Variants in AP1G1 observed in about 807,000 individuals in gnomAD.
AP1G1 encodes adaptor related protein complex 1 subunit gamma 1.
In AP1G1, 7 loss-of-function variants were observed where a neutral mutation model predicts 108.3. That is an observed-to-expected ratio of 0.06 (90% CI 0.04 to 0.12). The LOEUF is 0.12. Ranked by LOEUF, AP1G1 falls within the 10% of genes least tolerant of loss-of-function variation. AP1G1 has a pLI of 1.00. For missense variants in AP1G1, 756 were observed against 1,010.7 expected (o/e 0.75, Z 3.42); for synonymous variants, 379 against 353.5 (o/e 1.07, Z -0.81).
chr16:71,750,165 T>C (rs772732482), intron 14 of AP1G1, 45 bp downstream of exon 14: 3 of 1,600,382 alleles, frequency 1.9e-6, no homozygotes, highest in South Asian at 1.1e-5. Flanking sequence ...ACCAGAAAAA[T>C]TGAGGGTAAA....
intron 21 of AP1G1, among the ~76,000 whole-genome samples, chr16:71,738,566 G>A (rs2045579199): frequency 6.6e-6 from 1 of 152,096 alleles, no homozygotes; most frequent in African/African-American, 2.4e-5. Context: ...GATAGACAAA[G>A]TCTCTCATCT....
At chr16:71,769,425 G>C in intron 6 of AP1G1, 198 bp downstream of exon 6, 1 of 558,782 alleles carries the variant, frequency 1.8e-6, no homozygotes, top group African/African-American at 1.9e-5. Context: ...TATTATGAAA[G>C]GGAAAACACA....
intron 7 of AP1G1, 132 bp from the exon 8 acceptor site, chr16:71,764,858 T>A: frequency 1.6e-6 from 1 of 610,166 alleles, no homozygotes. Context: ...TCAGAAATAG[T>A]CAAAAATCAA....
chr16:71,807,992 A>T, intron 1 of AP1G1: 1 of 1,222,506 alleles, frequency 8.2e-7, no homozygotes, highest in Non-Finnish European at 1.0e-6. Flanking sequence ...CTTCATAAAC[A>T]TAATCTGCTT....
At chr16:71,808,567 G>C (rs774297381) in intron 1 of AP1G1, 196 bp downstream of exon 1, 2 of 1,288,862 alleles carry the variant, frequency 1.6e-6, no homozygotes, top group South Asian at 1.2e-5. Context: ...CCGAGGCCTC[G>C]GGGTCGGCCC....
chr16:71,802,262 C>T (rs538962285), intron 1 of AP1G1, among the ~76,000 whole-genome samples: 4 of 152,190 alleles, frequency 2.6e-5, no homozygotes, highest in Non-Finnish European at 4.4e-5. Flanking sequence ...GCAAAAGAAG[C>T]GTTTTTTACT....
In AP1G1 at chr16:71,769,793, G is replaced by T. The variant is rs1414246365; in HGVS notation, c.566-94C>A. Reference sequence around the variant, plus strand: ...AGTTCCTGAAGGTCAATTCCAAAAGGATAGTTGCTACTTTTGCTTTTTAAT... The same window carrying T: ...AGTTCCTGAAGGTCAATTCCAAAAGTATAGTTGCTACTTTTGCTTTTTAAT... On this transcript the variant is annotated intron_variant, in intron 5 of 22. Coordinates refer to ENST00000299980, the MANE Select transcript of AP1G1 (RefSeq NM_001128.6). The T allele has an allele frequency of 6.8e-6, 7 of 1,024,870 alleles. No individual in the cohort carries two copies. In the African/African-American group the frequency reaches 8.0e-5, roughly 12 times the overall value. 63.5% of individuals were successfully genotyped at this position (1,024,870 alleles called of 1,614,324 possible).
At position 71,739,275 on chromosome 16, in the gene AP1G1, T is replaced by G. The variant is rs766188692; in HGVS notation, c.2066A>C (p.Asp689Ala). 1.2e-6 allele frequency: 2 copies of G among 1,612,970 alleles called. No homozygotes were observed. The highest frequency in any genetic ancestry group is 1.7e-6 in the Non-Finnish European group (2 of 1,179,752). Residue 689 changes from aspartate (D) to alanine (A), a missense_variant, in exon 20 of 23, where the codon GAT becomes GCT. Asp to Ala is a moderately radical substitution (Grantham distance 126). Coordinates refer to ENST00000299980, the MANE Select transcript of AP1G1 (RefSeq NM_001128.6). Reference sequence around the variant, plus strand: ...GAAGAGAGGCTGTGATGAAAGCCCATCCAACAAGAAGGGGGGCTGGGATAT... The same window carrying G: ...GAAGAGAGGCTGTGATGAAAGCCCAGCCAACAAGAAGGGGGGCTGGGATAT... ...PQISQPPFLLDGLSSQPLFND... is the reference protein window; with the variant it reads ...PQISQPPFLLAGLSSQPLFND...
rs781714640 is a variant in AP1G1 at position 71,733,143 on chromosome 16, C to T, written c.2384G>A (p.Arg795Gln). 6.2e-7 allele frequency: 1 copy of T among 1,613,890 alleles called. No individual in the cohort carries two copies. Among genetic ancestry groups the T allele is most frequent in the Non-Finnish European group, 8.5e-7 (1 of 1,179,860 alleles). ...LNPQKQQLRM[R>Q]IKLTYNHKGS... Reference sequence around the variant, plus strand: ...CTTGTGATTATATGTAAGCTTGATCCGCATTCGCAGCTGTTGCTATAAGAG... The same window carrying T: ...CTTGTGATTATATGTAAGCTTGATCTGCATTCGCAGCTGTTGCTATAAGAG... The change falls in exon 23 of 23, where the codon CGG (arginine) becomes CAG (glutamine). Residue 795 changes from arginine (R) to glutamine (Q), a missense_variant. By Grantham distance (43) the Arg-to-Gln change is conservative. Coordinates refer to ENST00000299980, the MANE Select transcript of AP1G1 (RefSeq NM_001128.6).
intron 1 of AP1G1, among the ~76,000 whole-genome samples, chr16:71,800,672 G>C (rs1231417825): frequency 6.6e-6 from 1 of 151,770 alleles, no homozygotes; most frequent in African/African-American, 2.4e-5. Context: ...GTGGTGGTGG[G>C]TGCCTGTAGT....
At chr16:71,766,795 T>A (rs905598243) in intron 6 of AP1G1, among the ~76,000 whole-genome samples, 37 of 152,178 alleles carry the variant, frequency 2.4e-4, no homozygotes, top group African/African-American at 8.9e-4. Context: ...AAACACAGTA[T>A]GTAAGAATTT....
At chr16:71,790,414 C>A (rs2032356261) in intron 1 of AP1G1, among the ~76,000 whole-genome samples, 1 of 151,908 alleles carries the variant, frequency 6.6e-6, no homozygotes, top group Non-Finnish European at 1.5e-5. Flanking sequence ...GTGGCACATG[C>A]CTGTAATCCC....
chr16:71,773,403 C>T, intron 3 of AP1G1, 41 bp from the exon 4 acceptor site: 1 of 1,456,812 alleles, frequency 6.9e-7, no homozygotes. Context: ...GCCTGGTGCT[C>T]CCCAAGAAGC....
At position 71,759,021 on chromosome 16, in the gene AP1G1, G is replaced by A. The variant is rs536946190; in HGVS notation, c.975-100C>T. 9 of 666,468 alleles carry A rather than the reference G, an allele frequency of 1.4e-5. No individual in the cohort carries two copies. In the African/African-American group the frequency reaches 1.7e-4, roughly 13 times the overall value. 41.3% of individuals were successfully genotyped at this position (666,468 alleles called of 1,614,324 possible). A position where few individuals can be genotyped will look rare whatever the true frequency, so the allele number is the denominator to read the frequency against. ...AAAGAAAGACGTCTAATGGATAAGA[G>A]AAAGCATACATTTTTATTTAAAAGA... On this transcript the variant is annotated intron_variant, in intron 10 of 22. Transcript: ENST00000299980.
At chr16:71,776,757 G>T (rs929972075) in intron 2 of AP1G1, among the ~76,000 whole-genome samples, 1 of 151,986 alleles carries the variant, frequency 6.6e-6, no homozygotes, top group Non-Finnish European at 1.5e-5. Flanking sequence ...TGGTTTTAGG[G>T]TCAAGTGTGG....
At chr16:71,778,338 T>C (rs1445543996) in intron 2 of AP1G1, among the ~76,000 whole-genome samples, 3 of 152,214 alleles carry the variant, frequency 2.0e-5, no homozygotes, top group African/African-American at 7.2e-5. Context: ...TCACACTTTA[T>C]ACTTAAGTGG....
intron 7 of AP1G1, among the ~76,000 whole-genome samples, chr16:71,765,004 C>T (rs1051377562): frequency 3.3e-5 from 5 of 152,172 alleles, no homozygotes; most frequent in African/African-American, 4.8e-5. Context: ...ACCTGCAGAG[C>T]TATATTAAAT....
chr16:71,771,480 G>C (rs1794005502), intron 4 of AP1G1, among the ~76,000 whole-genome samples: 1 of 152,160 alleles, frequency 6.6e-6, no homozygotes. Flanking sequence ...GAGCCCAGGA[G>C]TTTGAGAACA....
At chr16:71,808,708 G>T in intron 1 of AP1G1, 55 bp downstream of exon 1, 1 of 1,285,616 alleles carries the variant, frequency 7.8e-7, no homozygotes, top group Non-Finnish European at 1.0e-6. Flanking sequence ...GAGCGCCCGC[G>T]GCAGCGGCGG....
Sources: allele counts gnomAD v4.1 joint callset (sites outside exome capture counted in the v4.1 genomes callset), GRCh38; gene constraint gnomAD v4.1.1; transcripts MANE v1.5; gene names NCBI Gene and HGNC (gene_info 2026-07-23, HGNC 2026-07-21).